The following KCNH5 variants were observed in gnomAD, a reference collection of about 807,000 sequenced individuals.
The protein encoded by KCNH5 is potassium voltage-gated channel subfamily H member 5, also known as voltage-gated delayed rectifier potassium channel KCNH5.
A neutral mutation model predicts 96.1 loss-of-function variants in KCNH5; 46 were observed. The observed-to-expected ratio is 0.48, with a 90% CI of 0.38 to 0.61. The LOEUF is 0.61. KCNH5 is among the 20% of genes least tolerant of loss of function. The pLI is 0.00. For synonymous variants in KCNH5, 439 were observed against 449.8 expected (o/e 0.98, Z 0.30); for missense variants, 907 against 1,225.8 (o/e 0.74, Z 3.88).
chr14:62,755,919 C>A (rs182139895), intron 10 of KCNH5, among the ~76,000 whole-genome samples: 2 of 151,908 alleles, frequency 1.3e-5, no homozygotes, highest in South Asian at 2.1e-4. Context: ...CCCTTCATGA[C>A]AACAACCCTC....
At chr14:62,990,272 T>C (rs375290463) in intron 4 of KCNH5, among the ~76,000 whole-genome samples, 27 of 152,174 alleles carry the variant, frequency 1.8e-4, no homozygotes, top group African/African-American at 6.0e-4. Context: ...TGAAAGCTTA[T>C]TGTCATCCTC....
chr14:62,892,255 G>A (rs900616550), intron 7 of KCNH5, among the ~76,000 whole-genome samples: 18 of 152,176 alleles, frequency 1.2e-4, no homozygotes. Context: ...CTTTATCGCT[G>A]CTATAAAGAA....
At chr14:62,871,729 AG>A (rs1363998966) in intron 7 of KCNH5, among the ~76,000 whole-genome samples, 1 of 152,202 alleles carries the variant, frequency 6.6e-6, no homozygotes, top group Non-Finnish European at 1.5e-5. Context: ...ACATAAGCAA[AG>A]GATGTGGAAG....
intron 9 of KCNH5, among the ~76,000 whole-genome samples, chr14:62,788,637 C>G (rs1886368856): frequency 6.6e-6 from 1 of 152,076 alleles, no homozygotes; most frequent in African/African-American, 2.4e-5. Flanking sequence ...TCATTGTCAT[C>G]TTAGTTTAAG....
At chr14:62,745,446 T>A (rs1327852249) in intron 10 of KCNH5, among the ~76,000 whole-genome samples, 1 of 152,234 alleles carries the variant, frequency 6.6e-6, no homozygotes, top group Non-Finnish European at 1.5e-5. Flanking sequence ...TAACATGGTA[T>A]GAAATGTTCA....
chr14:62,878,072 A>G (rs968924219), intron 7 of KCNH5, among the ~76,000 whole-genome samples: 25 of 152,042 alleles, frequency 1.6e-4, no homozygotes, highest in African/African-American at 6.0e-4. Context: ...GGAAATCATC[A>G]TTCTCAGTAA....
At chr14:62,847,168 A>T (rs1456826969) in intron 8 of KCNH5, among the ~76,000 whole-genome samples, 4 of 144,662 alleles carry the variant, frequency 2.8e-5, no homozygotes, top group Non-Finnish European at 6.1e-5. Context: ...TATATATATT[A>T]TATATATAAT....
chr14:62,948,777 C>G (rs776494313), intron 7 of KCNH5, among the ~76,000 whole-genome samples: 1 of 147,482 alleles, frequency 6.8e-6, no homozygotes, highest in Non-Finnish European at 1.5e-5. Flanking sequence ...ACTGGCAAAC[C>G]GAATCCAGCA....
At chr14:62,751,539 G>T (rs1011030923) in intron 10 of KCNH5, among the ~76,000 whole-genome samples, 1 of 152,174 alleles carries the variant, frequency 6.6e-6, no homozygotes, top group African/African-American at 2.4e-5. Context: ...TAAGCACTGG[G>T]CAATCCCTCT....
chr14:62,942,398 C>G (rs1265677828), intron 7 of KCNH5, among the ~76,000 whole-genome samples: 1 of 152,206 alleles, frequency 6.6e-6, no homozygotes, highest in Non-Finnish European at 1.5e-5. Context: ...CTGGATCTTA[C>G]CATCTTCTAT....
chr14:63,007,752 G>C (rs1011043563), intron 2 of KCNH5, among the ~76,000 whole-genome samples: 1 of 152,086 alleles, frequency 6.6e-6, no homozygotes, highest in African/African-American at 2.4e-5. Context: ...CTTAAGATAG[G>C]TACAAGTGTG....
chr14:62,866,243 G>A (rs1470017374), intron 7 of KCNH5, among the ~76,000 whole-genome samples: 2 of 152,094 alleles, frequency 1.3e-5, no homozygotes. Context: ...TCACAAAAAT[G>A]GCACTGGTTT....
intron 4 of KCNH5, among the ~76,000 whole-genome samples, chr14:62,991,507 TA>T (rs1890807818): frequency 6.6e-6 from 1 of 152,026 alleles, no homozygotes; most frequent in African/African-American, 2.4e-5. Flanking sequence ...TCTTCCTAGA[TA>T]AATCAAAGCC....
At chr14:62,950,659 A>G in intron 6 of KCNH5, 100 bp from the exon 7 acceptor site, 6 of 969,692 alleles carry the variant, frequency 6.2e-6, no homozygotes, top group Non-Finnish European at 8.8e-6. Context: ...TAACCATCCA[A>G]TTATATATTA....
At chr14:63,040,081 C>T (rs1244643250) in intron 1 of KCNH5, among the ~76,000 whole-genome samples, 1 of 152,040 alleles carries the variant, frequency 6.6e-6, no homozygotes, top group Admixed American at 6.6e-5. Context: ...CTAAGAAACT[C>T]GGCTGTGACT....
chr14:62,758,103 C>T (rs1412337435), intron 10 of KCNH5, among the ~76,000 whole-genome samples: 1 of 150,720 alleles, frequency 6.6e-6, no homozygotes, highest in African/African-American at 2.4e-5. Flanking sequence ...CAAGATTGGG[C>T]CACTGCACTC....
chr14:63,028,190 T>C (rs1319327763), intron 1 of KCNH5, among the ~76,000 whole-genome samples: 1 of 152,116 alleles, frequency 6.6e-6, no homozygotes, highest in Non-Finnish European at 1.5e-5. Flanking sequence ...CTATTTCATA[T>C]GAACTCTGCC....
At chr14:62,838,926 C>G (rs1296984207) in intron 8 of KCNH5, among the ~76,000 whole-genome samples, 1 of 152,048 alleles carries the variant, frequency 6.6e-6, no homozygotes, top group Non-Finnish European at 1.5e-5. Context: ...TGAAAAAAGA[C>G]ATATGTAAAT....
At chr14:63,024,743 C>G (rs557651027) in intron 1 of KCNH5, among the ~76,000 whole-genome samples, 1 of 151,948 alleles carries the variant, frequency 6.6e-6, no homozygotes, top group African/African-American at 2.4e-5. Context: ...CTGAATAGAC[C>G]AATAACAAAT....
Sources: gnomAD v4.1 joint callset for allele counts (sites outside exome capture counted in the v4.1 genomes callset) on GRCh38, gnomAD v4.1.1 for gene constraint, MANE v1.5 for transcripts, NCBI Gene and HGNC (gene_info 2026-07-23, HGNC 2026-07-21) for gene names.